The following MYH11 variants were observed in gnomAD, a reference collection of about 807,000 sequenced individuals.
The protein encoded by MYH11 is myosin heavy chain 11.
A neutral mutation model predicts 246.6 loss-of-function variants in MYH11; 80 were observed. That is an observed-to-expected ratio of 0.32 (90% CI 0.27 to 0.39). The LOEUF is 0.39. Ranked by LOEUF, MYH11 falls within the 10% of genes least tolerant of loss-of-function variation. The pLI is 1.00. For missense variants in MYH11, 2,158 were observed against 2,546.8 expected (o/e 0.85, Z 3.29); for synonymous variants, 1,071 against 1,015.5 (o/e 1.05, Z -1.04).
chr16:15,833,124 C>T (rs532113792), intron 2 of MYH11, among the ~76,000 whole-genome samples: 24 of 151,278 alleles, frequency 1.6e-4, no homozygotes, highest in Admixed American at 9.9e-4. Context: ...CGGTGTGACC[C>T]CACCTCTACC....
intron 6 of MYH11, among the ~76,000 whole-genome samples, chr16:15,781,509 A>G (rs1249040257): frequency 6.6e-6 from 1 of 152,174 alleles, no homozygotes; most frequent in Non-Finnish European, 1.5e-5. Flanking sequence ...TGGAATGCAG[A>G]GGCAATTTTT....
At position 15,733,304 on chromosome 16, in the gene MYH11, GC is replaced by G. The variant is rs2041020583; in HGVS notation, c.3507-597del. Reference sequence around the variant, plus strand: ...GCTGGAGTGCGACAGCGCAATCTTGGCCCCCTGCAACCTCCACCTCCCGGGT... The same window carrying G: ...GCTGGAGTGCGACAGCGCAATCTTGGCCCCTGCAACCTCCACCTCCCGGGT... On this transcript the variant is annotated intron_variant, in intron 26 of 40. Transcript: ENST00000300036. Among the ~76,000 whole-genome samples the G allele has an allele frequency of 2.6e-5, 4 of 152,272 alleles. No homozygotes were observed. The South Asian group carries it at 8.3e-4, about 32-fold the overall frequency.
chr16:15,714,600 A>G (rs539138087), intron 40 of MYH11: 127 of 514,090 alleles, frequency 2.5e-4, no homozygotes, highest in Middle Eastern at 1.6e-3. Flanking sequence ...TCAGTGATGC[A>G]ATGAAGGAGG....
intron 22 of MYH11, among the ~76,000 whole-genome samples, chr16:15,740,626 AT>A (rs141816055): frequency 2.0e-5 from 3 of 150,860 alleles, no homozygotes; most frequent in Non-Finnish European, 4.4e-5. Flanking sequence ...AAAAAAAAAA[AT>A]AAAGACCTGG....
At chr16:15,717,568 GT>G (rs2040228996) in intron 37 of MYH11, 2 of 599,972 alleles carry the variant, frequency 3.3e-6, no homozygotes, top group Non-Finnish European at 5.9e-6. Flanking sequence ...GCAGAGGCAG[GT>G]AAATCACTTG....
intron 3 of MYH11, among the ~76,000 whole-genome samples, chr16:15,801,200 T>C (rs570107757): frequency 6.6e-6 from 1 of 152,218 alleles, no homozygotes; most frequent in Admixed American, 6.5e-5. Flanking sequence ...AGCAAGACTC[T>C]GTTTCAAAAA....
At chr16:15,840,691 C>T (rs959391514) in intron 1 of MYH11, among the ~76,000 whole-genome samples, 3 of 152,132 alleles carry the variant, frequency 2.0e-5, no homozygotes, top group African/African-American at 7.2e-5. Context: ...GTAATCATGC[C>T]ACTGCACTCC....
chr16:15,720,884 G>A lies in MYH11; in HGVS notation c.4746C>T (p.Ala1582=). Residue 1582 remains alanine, a synonymous_variant, in exon 33 of 41, where the codon GCC becomes GCT. Transcript: ENST00000300036. The stretch of plus-strand genomic sequence containing the variant: ...TCTTCTCCTCATTCTGCTCGTCCCG[G>A]GCTTGGAGATCCCTTTCGAACTGGC... The part of the protein sequence containing the change: ...LKGQFERDLQ[A]RDEQNEEKRR... 1 of 1,613,890 alleles carries A rather than the reference G, an allele frequency of 6.2e-7. No individual in the cohort carries two copies. The highest frequency in any genetic ancestry group is 1.1e-5 in the South Asian group (1 of 91,076).
chr16:15,825,561 A>G (rs1261390789), intron 2 of MYH11, among the ~76,000 whole-genome samples: 2 of 152,050 alleles, frequency 1.3e-5, no homozygotes, highest in Non-Finnish European at 2.9e-5. Context: ...CCTGTCTTGA[A>G]ATTGATAGCT....
At chr16:15,815,556 T>C (rs1023420616) in intron 3 of MYH11, among the ~76,000 whole-genome samples, 4 of 152,078 alleles carry the variant, frequency 2.6e-5, no homozygotes, top group African/African-American at 7.2e-5. Flanking sequence ...AATTCCATTA[T>C]GGAAATAAAA....
At chr16:15,784,789 G>C in intron 5 of MYH11, 2 of 1,570,442 alleles carry the variant, frequency 1.3e-6, no homozygotes, top group Non-Finnish European at 1.7e-6. Context: ...AGGGGCTGGA[G>C]AATATATGAC....
intron 1 of MYH11, among the ~76,000 whole-genome samples, chr16:15,839,528 T>C (rs766982807): frequency 6.6e-6 from 1 of 151,518 alleles, no homozygotes; most frequent in Non-Finnish European, 1.5e-5. Context: ...CCCCTGTCTC[T>C]ACTAAAAATA....
chr16:15,707,099 C>T (rs937404949), intron 40 of MYH11, among the ~76,000 whole-genome samples: 13 of 152,052 alleles, frequency 8.5e-5, no homozygotes, highest in Non-Finnish European at 1.5e-5. Flanking sequence ...AGTGCAGTGG[C>T]GTGATCTTGG....
In MYH11 at chr16:15,811,048, GT is replaced by G. The variant is rs1343144922; in HGVS notation, c.502+12206del. On this transcript the variant is annotated intron_variant, in intron 3 of 40. Coordinates refer to ENST00000300036, the MANE Select transcript of MYH11 (RefSeq NM_002474.3). ...ACCCCTAAAGTGATGATATTAGGAG[GT>G]GGGGCCTTTGGGAGGTGATGAGATC... Among the ~76,000 whole-genome samples the G allele has an allele frequency of 3.3e-5, 5 of 152,238 alleles. No homozygotes were observed. In the East Asian group the frequency reaches 9.7e-4, roughly 29 times the overall value.
intron 3 of MYH11, among the ~76,000 whole-genome samples, chr16:15,804,226 A>G (rs750690168): frequency 1.3e-5 from 2 of 152,124 alleles, no homozygotes; most frequent in Non-Finnish European, 2.9e-5. Flanking sequence ...CATAAAAAGA[A>G]CCATTTTAAA....
intron 7 of MYH11, among the ~76,000 whole-genome samples, 186 bp downstream of exon 7, chr16:15,778,594 C>A (rs1181719753): frequency 6.6e-6 from 1 of 152,098 alleles, no homozygotes; most frequent in Non-Finnish European, 1.5e-5. Flanking sequence ...AGGGTTCAAA[C>A]CAGGGGTCCG....
intron 40 of MYH11, among the ~76,000 whole-genome samples, chr16:15,709,346 T>C (rs904215617): frequency 6.6e-6 from 1 of 151,990 alleles, no homozygotes. Flanking sequence ...TTTGATACTC[T>C]GTCACCCAGG....
intron 3 of MYH11, among the ~76,000 whole-genome samples, chr16:15,818,910 T>C (rs768341846): frequency 4.6e-5 from 7 of 152,228 alleles, no homozygotes; most frequent in Non-Finnish European, 1.0e-4. Context: ...GACAGGGTCT[T>C]ACTCTGTTGC....
intron 1 of MYH11, among the ~76,000 whole-genome samples, chr16:15,846,440 T>C (rs1433270755): frequency 3.9e-5 from 6 of 152,182 alleles, no homozygotes. Context: ...AAGGAATGAA[T>C]GAGTCTCCGG....
Sources: allele counts gnomAD v4.1 joint callset (sites outside exome capture counted in the v4.1 genomes callset), GRCh38; gene constraint gnomAD v4.1.1; transcripts MANE v1.5; gene names NCBI Gene and HGNC (gene_info 2026-07-23, HGNC 2026-07-21).